The following OPN5 variants were observed in gnomAD, a reference collection of about 807,000 sequenced individuals.
OPN5 encodes the protein opsin 5.
Under a neutral mutation model 41.7 loss-of-function variants are expected in OPN5, and 18 were observed. That is an observed-to-expected ratio of 0.43 (90% CI 0.30 to 0.64). OPN5 has a LOEUF of 0.64. OPN5 is among the 30% of genes least tolerant of loss of function. OPN5 has a pLI of 0.13. For synonymous variants in OPN5, 178 were observed against 164.3 expected (o/e 1.08, Z -0.64); for missense variants, 318 against 434.5 (o/e 0.73, Z 2.38).
At chr6:47,826,126 T>C (rs1273246756), downstream of OPN5, 5 of 152,138 alleles carry the variant, frequency 3.3e-5, no homozygotes, top group African/African-American at 1.2e-4. Context: ...AGAGAAAGAA[T>C]CCTACGATGA....
At position 47,782,316 on chromosome 6, in the gene OPN5, G is replaced by A. The variant is rs1773110976; in HGVS notation, c.130+120G>A. ...ATAGTTTAGTGGAGGCGAAGAGTGG[G>A]GAAAGGCAGAAGATGGAATGGCATT... On this transcript the variant is annotated intron_variant, in intron 1 of 6. Coordinates refer to ENST00000371211, the Ensembl canonical transcript of OPN5. 39 of 866,558 alleles carry A rather than the reference G, an allele frequency of 4.5e-5. No individual in the cohort carries two copies. In the South Asian group the frequency reaches 6.6e-4, roughly 15 times the overall value. The allele number at this position is 866,558 out of a possible 1,614,324, so 53.7% of individuals were successfully genotyped here.
At chr6:47,786,492 G>T (rs1389553339) in intron 1 of OPN5, 23 bp from the exon 2 acceptor site, 23 of 1,593,616 alleles carry the variant, frequency 1.4e-5, no homozygotes, top group Non-Finnish European at 1.9e-5. Flanking sequence ...TTTAACGATT[G>T]GAATTTTTAT....
chr6:47,807,622 C>T (rs908740334), intron 4 of OPN5, among the ~76,000 whole-genome samples: 3 of 152,050 alleles, frequency 2.0e-5, no homozygotes, highest in African/African-American at 7.2e-5. Flanking sequence ...ACATTATGTA[C>T]CTAGTGAATT....
exon 6 of OPN5, chr6:47,811,702 T>A (rs1256458278): frequency 3.1e-6 from 5 of 1,612,704 alleles, no homozygotes; most frequent in Non-Finnish European, 4.2e-6. Flanking sequence ...AGTCAGGAAG[T>A]CTTCTGCTGT....
downstream of OPN5, chr6:47,826,231 T>C (rs1333989529): frequency 6.6e-6 from 1 of 152,020 alleles, no homozygotes; most frequent in Non-Finnish European, 1.5e-5. Flanking sequence ...CTTCCCCATC[T>C]CTCCCCATTA....
chr6:47,819,147 T>G (rs911457554), intron 6 of OPN5, among the ~76,000 whole-genome samples: 1 of 151,296 alleles, frequency 6.6e-6, no homozygotes, highest in Non-Finnish European at 1.5e-5. Flanking sequence ...GTCAAAAAAA[T>G]TTATTTTTAG....
intron 6 of OPN5, among the ~76,000 whole-genome samples, chr6:47,812,154 A>G (rs1762262787): frequency 1.3e-5 from 2 of 152,156 alleles, no homozygotes; most frequent in Non-Finnish European, 1.5e-5. Context: ...ATGTTGGGCC[A>G]TGGCTCTTTG....
At chr6:47,794,445 T>A (rs1216009062) in intron 3 of OPN5, among the ~76,000 whole-genome samples, 1 of 152,234 alleles carries the variant, frequency 6.6e-6, no homozygotes, top group African/African-American at 2.4e-5. Context: ...TGTTGAATTC[T>A]GAAAATGATC....
At chr6:47,809,039 G>T (rs1774087487) in intron 5 of OPN5, among the ~76,000 whole-genome samples, 1 of 152,108 alleles carries the variant, frequency 6.6e-6, no homozygotes. Flanking sequence ...TATCCTCCTT[G>T]GTTGATACTG....
rs568364187 is a variant in OPN5, at chr6:47,803,592, T to C, written c.757-4562T>C. 5.4e-4 allele frequency among the ~76,000 whole-genome samples: 82 copies of C among 152,310 alleles called. 1 individual carries two copies. In the South Asian group the frequency reaches 0.016, roughly 30 times the overall value. On this transcript the variant is annotated intron_variant, in intron 4 of 6. Coordinates refer to ENST00000371211, the Ensembl canonical transcript of OPN5. Reference sequence around the variant, plus strand: ...CATTCTAATTGGTTCTGTAATGTGATTCAATCTTGTTATTGATGGGGAACT... The same window carrying C: ...CATTCTAATTGGTTCTGTAATGTGACTCAATCTTGTTATTGATGGGGAACT...
rs549976293 is a variant in OPN5, at chr6:47,820,410, T to C, written c.1057-3573T>C. Among the ~76,000 whole-genome samples the C allele has an allele frequency of 1.2e-4, 18 of 152,334 alleles. No homozygotes were observed. The South Asian group carries it at 2.3e-3, about 19-fold the overall frequency. On this transcript the variant is annotated intron_variant, in intron 6 of 6. Coordinates refer to ENST00000371211, the Ensembl canonical transcript of OPN5. Reference sequence around the variant, plus strand: ...AAGCCTGTGACTCTTAGTACTTTGCTATATGGTTGACCGATTTATTCTGTA... The same window carrying C: ...AAGCCTGTGACTCTTAGTACTTTGCCATATGGTTGACCGATTTATTCTGTA...
Position 47,810,535 on chromosome 6 carries a change from C to T in OPN5, c.999-1139C>T, listed in dbSNP as rs78973479. Among the ~76,000 whole-genome samples, 1,332 of 151,718 alleles carry T rather than the reference C, an allele frequency of 8.8e-3. 10 individuals are homozygous for T. Among genetic ancestry groups the T allele is most frequent in the South Asian group, 0.049 (232 of 4,750 alleles). On this transcript the variant is annotated intron_variant, in intron 5 of 6. Coordinates refer to ENST00000371211, the Ensembl canonical transcript of OPN5. ...AACAAGTGAATTAAACTGGATTAAT[C>T]AATATCCTTATTCTTTTCTTTTCTG...
intron 2 of OPN5, among the ~76,000 whole-genome samples, chr6:47,791,380 C>G (rs896099581): frequency 6.6e-6 from 1 of 151,884 alleles, no homozygotes; most frequent in African/African-American, 2.4e-5. Flanking sequence ...AGTGTATTTT[C>G]TCTCAGAGAT....
At chr6:47,807,933 A>G (rs1176660312) in intron 4 of OPN5, among the ~76,000 whole-genome samples, 2 of 150,792 alleles carry the variant, frequency 1.3e-5, no homozygotes, top group East Asian at 3.9e-4. Flanking sequence ...AGTGGATACT[A>G]GATAGGATGT....
intron 4 of OPN5, among the ~76,000 whole-genome samples, chr6:47,799,548 T>TTTG (rs1773692410): frequency 6.6e-6 from 1 of 152,194 alleles, no homozygotes; most frequent in Admixed American, 6.5e-5. Context: ...ACTTTGCATC[T>TTTG]TTGTTGTTCC....
At chr6:47,788,963 G>A (rs1471378719) in intron 2 of OPN5, among the ~76,000 whole-genome samples, 1 of 151,816 alleles carries the variant, frequency 6.6e-6, no homozygotes, top group Non-Finnish European at 1.5e-5. Context: ...AAGTGCAGCC[G>A]GGTTCTGGAA....
chr6:47,793,365 C>A (rs1773446026), intron 3 of OPN5, among the ~76,000 whole-genome samples: 1 of 152,170 alleles, frequency 6.6e-6, no homozygotes, highest in South Asian at 2.1e-4. Flanking sequence ...TTTCCAGCTT[C>A]TTCTAAGGTT....
At chr6:47,809,374 T>C (rs1774103105) in intron 5 of OPN5, among the ~76,000 whole-genome samples, 1 of 152,204 alleles carries the variant, frequency 6.6e-6, no homozygotes, top group Non-Finnish European at 1.5e-5. Context: ...TGTCTTGTTC[T>C]TTCATTGTGC....
intron 4 of OPN5, among the ~76,000 whole-genome samples, chr6:47,799,568 T>G (rs9473189): frequency 0.14 from 21,678 of 152,214 alleles, 1,643 homozygotes; most frequent in Middle Eastern, 0.17. Context: ...CAACTATAAG[T>G]CATCTTTAGG....
Sources: allele counts gnomAD v4.1 joint callset (sites outside exome capture counted in the v4.1 genomes callset), GRCh38; gene constraint gnomAD v4.1.1; transcripts MANE v1.5; gene names NCBI Gene and HGNC (gene_info 2026-07-23, HGNC 2026-07-21).